ADGRL4: variants seen among roughly 807,000 people sequenced by gnomAD.
The protein encoded by ADGRL4 is EGF, latrophilin and seven transmembrane domain containing 1.
In ADGRL4, 90 loss-of-function variants were observed where a neutral mutation model predicts 74.8. The ratio of observed to expected loss-of-function variants is 1.20; its 90% CI spans 1.02 to 1.43. The LOEUF (loss-of-function observed/expected upper bound fraction) is 1.43, where lower values mean the gene tolerates loss of function less well. Ranked by LOEUF, ADGRL4 falls within the 40% of genes most tolerant of loss-of-function variation. The pLI, the probability that ADGRL4 is intolerant of heterozygous loss-of-function variation, is 0.00. For missense variants in ADGRL4, 881 were observed against 814.3 expected (o/e 1.08, Z -1.00); for synonymous variants, 311 against 279.2 (o/e 1.11, Z -1.14).
chr1:78,910,683 T>C (rs1648744922), intron 12 of ADGRL4, among the ~76,000 whole-genome samples: 1 of 151,796 alleles, frequency 6.6e-6, no homozygotes, highest in South Asian at 2.1e-4. Flanking sequence ...ATTAAAAATA[T>C]TGAATGAAGA....
chr1:78,975,305 T>G (rs1218909435), intron 2 of ADGRL4, among the ~76,000 whole-genome samples: 2 of 152,100 alleles, frequency 1.3e-5, no homozygotes, highest in African/African-American at 4.8e-5. Flanking sequence ...TTCATGATAC[T>G]AATAATATTA....
chr1:78,911,200 T>A (rs900010456), intron 12 of ADGRL4, among the ~76,000 whole-genome samples: 4 of 151,862 alleles, frequency 2.6e-5, no homozygotes, highest in Non-Finnish European at 5.9e-5. Flanking sequence ...GTCCTTACTC[T>A]ATGGATAAAC....
At chr1:78,904,701 G>A (rs1267781099) in intron 12 of ADGRL4, among the ~76,000 whole-genome samples, 1 of 151,900 alleles carries the variant, frequency 6.6e-6, no homozygotes, top group Non-Finnish European at 1.5e-5. Flanking sequence ...CACATTCATA[G>A]GTTCAAATTC....
chr1:78,931,813 T>C (rs9970565), intron 7 of ADGRL4, among the ~76,000 whole-genome samples: 151,278 of 151,378 alleles, frequency 1, 75,595 homozygotes, highest in Non-Finnish European at 1. Context: ...TTTAAACCAA[T>C]AAATATCAAA....
intron 2 of ADGRL4, among the ~76,000 whole-genome samples, chr1:78,977,767 C>G (rs1030457597): frequency 5.9e-5 from 9 of 151,496 alleles, no homozygotes; most frequent in Non-Finnish European, 1.5e-5. Context: ...CAGAACCTGG[C>G]TATAAACTAC....
chr1:78,962,257 G>T (rs947578366), intron 2 of ADGRL4, among the ~76,000 whole-genome samples: 10 of 152,014 alleles, frequency 6.6e-5, no homozygotes, highest in African/African-American at 1.9e-4. Flanking sequence ...CTTCTCCTTA[G>T]TGATCACATA....
chr1:78,941,395 A>T (rs555692407), intron 3 of ADGRL4, among the ~76,000 whole-genome samples: 2 of 152,332 alleles, frequency 1.3e-5, no homozygotes, highest in East Asian at 3.9e-4. Flanking sequence ...AAAACACCCC[A>T]ATGAAAGTGT....
chr1:78,987,604 T>C (rs1650523464), intron 2 of ADGRL4, among the ~76,000 whole-genome samples: 1 of 151,914 alleles, frequency 6.6e-6, no homozygotes, highest in Admixed American at 6.6e-5. Context: ...ACCATGATGG[T>C]TATCTAGCTG....
At chr1:78,905,899 CATAAT>C (rs1158325384) in intron 12 of ADGRL4, among the ~76,000 whole-genome samples, 1 of 151,786 alleles carries the variant, frequency 6.6e-6, no homozygotes, top group Non-Finnish European at 1.5e-5. Context: ...CAGATTGTGA[CATAAT>C]AGTATAGAAT....
chr1:78,946,938 C>T (rs949469655), intron 2 of ADGRL4, among the ~76,000 whole-genome samples: 6 of 152,026 alleles, frequency 3.9e-5, no homozygotes, highest in Admixed American at 6.6e-5. Flanking sequence ...CAACTATATG[C>T]ATTATATTGT....
At chr1:78,990,819 C>T (rs1650593131) in intron 2 of ADGRL4, among the ~76,000 whole-genome samples, 1 of 151,880 alleles carries the variant, frequency 6.6e-6, no homozygotes, top group Non-Finnish European at 1.5e-5. Flanking sequence ...AAAATATTCT[C>T]AATAGGTTTC....
chr1:78,950,028 C>G (rs1299042810), intron 2 of ADGRL4, among the ~76,000 whole-genome samples: 1 of 152,002 alleles, frequency 6.6e-6, no homozygotes, highest in Non-Finnish European at 1.5e-5. Context: ...TGTACCAACA[C>G]CCAAATTATC....
In ADGRL4 at chr1:78,890,494, C is replaced by A. The variant is rs529550134; in HGVS notation, c.*660G>T. 406 of 138,474 alleles carry A rather than the reference C, an allele frequency of 2.9e-3. 2 individuals are homozygous for A. Among genetic ancestry groups the A allele is most frequent in the African/African-American group, 0.01 (383 of 37,940 alleles). 8.6% of individuals were successfully genotyped at this position (138,474 alleles called of 1,614,324 possible). A position where few individuals can be genotyped will look rare whatever the true frequency, so the allele number is the denominator to read the frequency against. ...TTTTTTTCAATTTGTGGAGGTAAAC[C>A]TTTTTTTTTTTTTTAGAATATTAGA... On this transcript the variant is annotated 3_prime_UTR_variant, in exon 15 of 15. Coordinates refer to ENST00000370742, the MANE Select transcript of ADGRL4 (RefSeq NM_022159.4).
chr1:78,895,932 T>C (rs1648387905), intron 12 of ADGRL4, among the ~76,000 whole-genome samples: 1 of 152,046 alleles, frequency 6.6e-6, no homozygotes, highest in African/African-American at 2.4e-5. Flanking sequence ...AGGTAGTTGT[T>C]TACATAGTTT....
chr1:78,901,344 T>C (rs1648513847), intron 12 of ADGRL4, among the ~76,000 whole-genome samples: 1 of 152,172 alleles, frequency 6.6e-6, no homozygotes, highest in Non-Finnish European at 1.5e-5. Context: ...CTATAATTGT[T>C]TGAAAGAGAC....
chr1:78,964,107 G>A (rs1049128268), intron 2 of ADGRL4, among the ~76,000 whole-genome samples: 1 of 152,082 alleles, frequency 6.6e-6, no homozygotes, highest in African/African-American at 2.4e-5. Context: ...ACAGTGATCT[G>A]ACCCAATCTG....
chr1:78,918,463 T>A (rs1240915753), intron 10 of ADGRL4, among the ~76,000 whole-genome samples: 1 of 151,858 alleles, frequency 6.6e-6, no homozygotes, highest in African/African-American at 2.4e-5. Context: ...CTCATAATAC[T>A]CTGCTAGACA....
At position 78,890,016 on chromosome 1, in the gene ADGRL4, C is replaced by T. The variant is rs1275600497; in HGVS notation, c.*1138G>A. Reference sequence around the variant, plus strand: ...GTAGAAAACTGTCAGAAAATGGATCCACTGTGAAAACCTCTACAGTTCTCC... The same window carrying T: ...GTAGAAAACTGTCAGAAAATGGATCTACTGTGAAAACCTCTACAGTTCTCC... On this transcript the variant is annotated 3_prime_UTR_variant, in exon 15 of 15. Transcript: ENST00000370742. The T allele has an allele frequency of 4.7e-6, 1 of 214,928 alleles. No individual in the cohort carries two copies. The highest frequency in any genetic ancestry group is 1.5e-4 in the East Asian group (1 of 6,864). The allele number at this position is 214,928 out of a possible 1,614,324, so 13.3% of individuals were successfully genotyped here.
chr1:78,904,942 T>C (rs1195064087), intron 12 of ADGRL4, among the ~76,000 whole-genome samples: 5 of 152,064 alleles, frequency 3.3e-5, no homozygotes, highest in Non-Finnish European at 7.4e-5. Flanking sequence ...TTCTTCTATA[T>C]TGTTTTCAAA....
Sources: allele counts gnomAD v4.1 joint callset (sites outside exome capture counted in the v4.1 genomes callset), GRCh38; gene constraint gnomAD v4.1.1; transcripts MANE v1.5; gene names NCBI Gene and HGNC (gene_info 2026-07-23, HGNC 2026-07-21).